SNX29: variants seen among roughly 807,000 people sequenced by gnomAD.
SNX29 encodes the protein sorting nexin-29.
Under a neutral mutation model 102.1 loss-of-function variants are expected in SNX29, and 78 were observed. The observed-to-expected ratio is 0.76, with a 90% confidence interval of 0.64 to 0.92. SNX29 has a LOEUF of 0.92. Ranked by LOEUF, SNX29 falls within the 40% of genes least tolerant of loss-of-function variation. The pLI is 0.00. For synonymous variants in SNX29, 580 were observed against 414.5 expected (o/e 1.40, Z -4.85); for missense variants, 1,280 against 1,061.7 (o/e 1.21, Z -2.86).
rs562508973 is a variant in SNX29, at chr16:12,571,871, G to C, written c.*3242G>C. 58 of 1,061,564 alleles carry C rather than the reference G, an allele frequency of 5.5e-5. No individual in the cohort carries two copies. The highest frequency in any genetic ancestry group is 6.0e-5 in the Non-Finnish European group (53 of 876,982). The allele number at this position is 1,061,564 out of a possible 1,614,324, so 65.8% of individuals were successfully genotyped here. Reference sequence around the variant, plus strand: ...ATCACGTTGCTGGCAAGGCATTTTAGAGTTTGGAGCTGAGGTTCAAAGCCC... The same window carrying C: ...ATCACGTTGCTGGCAAGGCATTTTACAGTTTGGAGCTGAGGTTCAAAGCCC... On this transcript the variant is annotated 3_prime_UTR_variant, in exon 21 of 21. Transcript: ENST00000566228.
At chr16:12,176,544 A>G (rs369676921) in intron 13 of SNX29, among the ~76,000 whole-genome samples, 114 of 152,352 alleles carry the variant, frequency 7.5e-4, no homozygotes, top group African/African-American at 2.7e-3. Flanking sequence ...AAAATCCAAA[A>G]TAGTATACCA....
chr16:12,089,713 A>T (rs1016747624), intron 11 of SNX29: 4 of 216,456 alleles, frequency 1.8e-5, no homozygotes, highest in African/African-American at 9.5e-5. Flanking sequence ...ATTTTATCCC[A>T]CGTACAATGG....
At chr16:12,464,903 C>A (rs959156157) in intron 18 of SNX29, among the ~76,000 whole-genome samples, 3 of 152,224 alleles carry the variant, frequency 2.0e-5, no homozygotes, top group Non-Finnish European at 2.9e-5. Context: ...TCGATACCCT[C>A]ACCAACACTT....
chr16:12,463,131 C>G (rs1186078757), intron 18 of SNX29, among the ~76,000 whole-genome samples: 2 of 152,344 alleles, frequency 1.3e-5, no homozygotes, highest in East Asian at 3.9e-4. Context: ...GGCTCCTGGG[C>G]ACTGCTGCCC....
intron 15 of SNX29, among the ~76,000 whole-genome samples, chr16:12,330,058 T>C (rs1381091758): frequency 2.0e-5 from 3 of 152,194 alleles, no homozygotes; most frequent in African/African-American, 7.2e-5. Flanking sequence ...ATGGGGATAA[T>C]GAAGACCCAT....
chr16:12,562,942 A>T (rs12935552), intron 20 of SNX29, among the ~76,000 whole-genome samples: 4 of 151,950 alleles, frequency 2.6e-5, no homozygotes, highest in African/African-American at 7.3e-5. Flanking sequence ...CTGCATAGTA[A>T]GAAGCAAACA....
intron 15 of SNX29, among the ~76,000 whole-genome samples, chr16:12,352,474 A>G (rs1484801441): frequency 6.6e-6 from 1 of 152,206 alleles, no homozygotes; most frequent in Non-Finnish European, 1.5e-5. Flanking sequence ...TACGTAACAA[A>G]CCTGCACGTT....
chr16:12,551,207 C>G (rs1051428363), intron 20 of SNX29, among the ~76,000 whole-genome samples: 1 of 150,678 alleles, frequency 6.6e-6, no homozygotes, highest in Non-Finnish European at 1.5e-5. Flanking sequence ...TTTAGGAACA[C>G]ACTGCACTCA....
chr16:12,547,942 T>C (rs1038582277), intron 20 of SNX29, among the ~76,000 whole-genome samples: 1 of 152,158 alleles, frequency 6.6e-6, no homozygotes, highest in African/African-American at 2.4e-5. Context: ...ATTCCCAGTC[T>C]GCCCTCAAGG....
In SNX29 at chr16:12,546,022, A is replaced by C. The variant is rs555368604; in HGVS notation, c.2318+21181A>C. 3.5e-3 allele frequency among the ~76,000 whole-genome samples: 537 copies of C among 152,282 alleles called. 4 individuals are homozygous for C. The highest frequency in any genetic ancestry group is 0.011 in the South Asian group (54 of 4,820). On this transcript the variant is annotated intron_variant, in intron 20 of 20. Coordinates refer to ENST00000566228, the MANE Select transcript of SNX29 (RefSeq NM_032167.5). ...TGGATGCCAAAAACAGAAAACAAAA[A>C]AACCCACACCCTTGAGTACACATGA...
intron 11 of SNX29, among the ~76,000 whole-genome samples, chr16:12,114,401 GT>G (rs1392569541): frequency 6.6e-6 from 1 of 152,118 alleles, no homozygotes; most frequent in Non-Finnish European, 1.5e-5. Flanking sequence ...TTGAGGCTCT[GT>G]CTCTAAAATG....
chr16:12,040,984 G>A (rs1181785358), intron 4 of SNX29, among the ~76,000 whole-genome samples: 2 of 151,796 alleles, frequency 1.3e-5, no homozygotes, highest in East Asian at 3.9e-4. Flanking sequence ...CAGCTTTTTT[G>A]TATTTTTAGT....
In SNX29 at chr16:12,313,725, C is replaced by T. The variant is rs1387875937; in HGVS notation, c.1782+35689C>T. ...TTGTTGCATCCCCCACACCTCACCC[C>T]ATGCCGGGTATGGAGTCTTAATTGC... On this transcript the variant is annotated intron_variant, in intron 15 of 20. Coordinates refer to ENST00000566228, the MANE Select transcript of SNX29 (RefSeq NM_032167.5). Among the ~76,000 whole-genome samples, 2 of 152,240 alleles carry T rather than the reference C, an allele frequency of 1.3e-5. 1 individual carries two copies. The highest frequency in any genetic ancestry group is 4.8e-5 in the African/African-American group (2 of 41,472).
intron 20 of SNX29, among the ~76,000 whole-genome samples, chr16:12,543,107 G>A (rs1016849421): frequency 1.1e-4 from 16 of 152,166 alleles, no homozygotes; most frequent in African/African-American, 3.9e-4. Context: ...GATGGATCCT[G>A]GCAGCTGCGT....
At position 12,572,481 on chromosome 16, in the gene SNX29, C is replaced by A. The variant is rs1351567449; in HGVS notation, c.*3852C>A. The stretch of plus-strand genomic sequence containing the variant: ...ATTTTGCCAACCCTGAGGACCAGTT[C>A]TTGGGGTTCCAGGCCTCGGCCTTCC... On this transcript the variant is annotated 3_prime_UTR_variant, in exon 21 of 21. Transcript: ENST00000566228. 9.4e-7 allele frequency: 1 copy of A among 1,063,876 alleles called. No individual in the cohort carries two copies. The highest frequency in any genetic ancestry group is 4.6e-5 in the South Asian group (1 of 21,974). 65.9% of individuals were successfully genotyped at this position (1,063,876 alleles called of 1,614,324 possible).
intron 15 of SNX29, among the ~76,000 whole-genome samples, chr16:12,354,872 C>T (rs2082088148): frequency 6.6e-6 from 1 of 152,210 alleles, no homozygotes; most frequent in Admixed American, 6.5e-5. Context: ...GGCTCAGTGA[C>T]TTATTCTGCC....
intron 1 of SNX29, among the ~76,000 whole-genome samples, chr16:11,979,499 G>A (rs1361682596): frequency 1.3e-5 from 2 of 152,112 alleles, no homozygotes; most frequent in Non-Finnish European, 2.9e-5. Context: ...TGTGGGGTGG[G>A]TAACTGGTAC....
intron 15 of SNX29, among the ~76,000 whole-genome samples, chr16:12,304,699 A>G (rs1480888496): frequency 6.6e-6 from 1 of 152,118 alleles, no homozygotes; most frequent in Admixed American, 6.6e-5. Flanking sequence ...GGCCAGCTTC[A>G]CTTATTTTCT....
At chr16:12,103,914 G>A (rs1355106243) in intron 11 of SNX29, among the ~76,000 whole-genome samples, 3 of 152,172 alleles carry the variant, frequency 2.0e-5, no homozygotes, top group Non-Finnish European at 4.4e-5. Context: ...TGATGTTTTT[G>A]TAATCATCAA....
Sources: gnomAD v4.1 joint callset for allele counts (sites outside exome capture counted in the v4.1 genomes callset) on GRCh38, gnomAD v4.1.1 for gene constraint, MANE v1.5 for transcripts, NCBI Gene and HGNC (gene_info 2026-07-23, HGNC 2026-07-21) for gene names.